The following FGD6 variants were observed in gnomAD, a reference collection of about 807,000 sequenced individuals.
FGD6 encodes the protein FYVE, RhoGEF and PH domain-containing protein 6.
FGD6 carries 90 observed loss-of-function variants against 149.4 expected under a neutral mutation model. The ratio of observed to expected loss-of-function variants is 0.60; its 90% CI spans 0.51 to 0.72. The LOEUF is 0.72. Among genes scored for constraint, FGD6 ranks in the 30% least tolerant of loss-of-function variants. FGD6 has a pLI of 0.00. For synonymous variants in FGD6, 527 were observed against 584.0 expected, an observed-to-expected ratio of 0.90 and a Z score of 1.41; for missense variants, 1,437 against 1,684.8, an observed-to-expected ratio of 0.85 and a Z score of 2.57.
At chr12:95,140,730 A>G (rs1879817217) in intron 6 of FGD6, among the ~76,000 whole-genome samples, 1 of 152,252 alleles carries the variant, frequency 6.6e-6, no homozygotes, top group Non-Finnish European at 1.5e-5. Flanking sequence ...GAAGGTAAAT[A>G]AAACATTTAG....
At chr12:95,117,050 C>A (rs1879039130) in intron 8 of FGD6, 1 of 341,402 alleles carries the variant, frequency 2.9e-6, no homozygotes, top group Non-Finnish European at 5.8e-6. Context: ...CACCTATTAC[C>A]TATCACTTAG....
chr12:95,126,564 A>T (rs1003994195), intron 8 of FGD6, among the ~76,000 whole-genome samples: 1 of 151,990 alleles, frequency 6.6e-6, no homozygotes, highest in Non-Finnish European at 1.5e-5. Flanking sequence ...CCCTATCTCT[A>T]CTAAAAATAC....
rs544626340 is a variant in FGD6, at chr12:95,131,740, A to C, written c.3082+2999T>G. On this transcript the variant is annotated intron_variant, in intron 8 of 20. Coordinates refer to ENST00000343958, the MANE Select transcript of FGD6 (RefSeq NM_018351.4). Reference sequence around the variant, plus strand: ...CATTCATCACTTTTCCCCCTTCCCAAATCCACCAGTATCGAGGGCCTATTA... The same window carrying C: ...CATTCATCACTTTTCCCCCTTCCCACATCCACCAGTATCGAGGGCCTATTA... 5.3e-5 allele frequency among the ~76,000 whole-genome samples: 8 copies of C among 152,304 alleles called. No individual in the cohort carries two copies. In the East Asian group the frequency reaches 1.5e-3, roughly 29 times the overall value.
At chr12:95,214,510 T>C (rs999618116) in intron 1 of FGD6, among the ~76,000 whole-genome samples, 1 of 152,184 alleles carries the variant, frequency 6.6e-6, no homozygotes, top group African/African-American at 2.4e-5. Context: ...TACTCCAATG[T>C]GAAATAAGTG....
At chr12:95,214,435 T>C (rs2056742672) in intron 1 of FGD6, among the ~76,000 whole-genome samples, 1 of 152,224 alleles carries the variant, frequency 6.6e-6, no homozygotes, top group East Asian at 1.9e-4. Flanking sequence ...TTCATTATTT[T>C]TTTTTCATGG....
At chr12:95,134,040 A>G (rs1592846256) in intron 8 of FGD6, among the ~76,000 whole-genome samples, 1 of 152,190 alleles carries the variant, frequency 6.6e-6, no homozygotes, top group East Asian at 1.9e-4. Context: ...AAGATAGACT[A>G]TTATCATAAG....
At chr12:95,132,038 C>CATAA (rs1177065819) in intron 8 of FGD6, among the ~76,000 whole-genome samples, 5 of 151,968 alleles carry the variant, frequency 3.3e-5, no homozygotes, top group South Asian at 2.1e-4. Flanking sequence ...GATTTCATCT[C>CATAA]ATAAATAAAT....
intron 8 of FGD6, 54 bp downstream of exon 8, chr12:95,134,685 G>A: frequency 6.6e-7 from 1 of 1,520,350 alleles, no homozygotes. Flanking sequence ...GGCAAGAAGA[G>A]TTGGCTGATG....
intron 14 of FGD6, among the ~76,000 whole-genome samples, chr12:95,100,055 T>TCCCCCCCCCC (rs33962935): frequency 2.3e-5 from 3 of 129,188 alleles, no homozygotes; most frequent in Non-Finnish European, 5.0e-5. Context: ...ACTTTTCTGA[T>TCCCCCCCCCC]CCCCCCCCCC....
At chr12:95,137,744 G>A (rs774652489) in intron 6 of FGD6, 66 bp from the exon 7 acceptor site, 73 of 1,157,862 alleles carry the variant, frequency 6.3e-5, no homozygotes, top group Non-Finnish European at 7.9e-5. Context: ...GCAATGATAC[G>A]CAGAGTCCAC....
intron 8 of FGD6, among the ~76,000 whole-genome samples, chr12:95,129,307 GCATGCATCCATCCATCCATCCATC>G (rs1565903466): frequency 2.2e-4 from 32 of 142,224 alleles, no homozygotes; most frequent in Middle Eastern, 7.4e-3. Context: ...ATGCATGCAT[GCATGCATCCATCCATCCATCCATC>G]CATCCATCCA....
intron 14 of FGD6, among the ~76,000 whole-genome samples, chr12:95,102,042 A>G (rs7297710): frequency 0.73 from 111,076 of 151,638 alleles, 40,894 homozygotes; most frequent in African/African-American, 0.78. Flanking sequence ...AGGGCTGAAC[A>G]CAATCCTGCC....
chr12:95,107,681 G>A (rs1002156017), intron 11 of FGD6, 50 bp from the exon 12 acceptor site: 18 of 1,576,666 alleles, frequency 1.1e-5, no homozygotes, highest in East Asian at 2.2e-5. Flanking sequence ...ACAACACAAC[G>A]ACAATATAAT....
chr12:95,102,454 A>AAC (rs796743065), intron 14 of FGD6, among the ~76,000 whole-genome samples: 350 of 151,054 alleles, frequency 2.3e-3, no homozygotes, highest in African/African-American at 8.1e-3. Flanking sequence ...AAAAAAAAAA[A>AAC]AAAAAAAAAA....
chr12:95,172,795 T>A, intron 2 of FGD6, 51 bp from the exon 3 acceptor site: 1 of 1,439,680 alleles, frequency 6.9e-7, no homozygotes, highest in South Asian at 1.6e-5. Context: ...TAAGAAGTGC[T>A]AGCAAAACAA....
intron 15 of FGD6, among the ~76,000 whole-genome samples, chr12:95,093,852 A>AC (rs200231038): frequency 7.6e-4 from 111 of 146,598 alleles, no homozygotes; most frequent in South Asian, 4.5e-3. Flanking sequence ...CATCTCAACA[A>AC]AAAAAAAAAA....
At chr12:95,141,059 T>C (rs1219483477) in intron 6 of FGD6, among the ~76,000 whole-genome samples, 5 of 151,870 alleles carry the variant, frequency 3.3e-5, no homozygotes, top group Non-Finnish European at 7.4e-5. Flanking sequence ...TCATCTCTAC[T>C]AAAAATACAA....
chr12:95,154,497 CA>C (rs1189543123), intron 3 of FGD6, among the ~76,000 whole-genome samples: 1 of 152,100 alleles, frequency 6.6e-6, no homozygotes, highest in African/African-American at 2.4e-5. Flanking sequence ...AAGATCAGAA[CA>C]CTACAGTTCC....
rs1880091042 is a variant in FGD6 at position 95,148,554 on chromosome 12, A to ATATATTATATAATATATAGCATATAT, written c.2685+4256_2685+4257insATATATGCTATATATTATATAATATA. ...TATAATATATAGCATATATTATATT[A>ATATATTATATAATATATAGCATATAT]TATATTATATATTATATAATACATA... On this transcript the variant is annotated intron_variant, in intron 5 of 20. Transcript: ENST00000343958. 3.0e-4 allele frequency among the ~76,000 whole-genome samples: 29 copies of ATATATTATATAATATATAGCATATAT among 98,120 alleles called. 1 individual carries two copies. The Middle Eastern group carries it at 0.019, about 63-fold the overall frequency. 64.4% of individuals were successfully genotyped at this position (98,120 alleles called of 152,430 possible).
Sources: gnomAD v4.1 joint callset for allele counts (sites outside exome capture counted in the v4.1 genomes callset) on GRCh38, gnomAD v4.1.1 for gene constraint, MANE v1.5 for transcripts, NCBI Gene and HGNC (gene_info 2026-07-23, HGNC 2026-07-21) for gene names.